The following CADM1 variants were observed in gnomAD, a reference collection of about 807,000 sequenced individuals.
CADM1 encodes the protein TSLC-1.
A neutral mutation model predicts 53.1 loss-of-function variants in CADM1; 15 were observed. That is an observed-to-expected ratio of 0.28 (90% CI 0.19 to 0.44). The LOEUF (loss-of-function observed/expected upper bound fraction) is 0.44. CADM1 is among the 20% of genes least tolerant of loss of function. CADM1 has a pLI of 1.00. For missense variants in CADM1, 434 were observed against 611.3 expected (o/e 0.71, Z 3.06); for synonymous variants, 281 against 243.0 (o/e 1.16, Z -1.45).
intron 1 of CADM1, among the ~76,000 whole-genome samples, chr11:115,285,118 C>T (rs1245300242): frequency 6.6e-6 from 1 of 152,150 alleles, no homozygotes; most frequent in Non-Finnish European, 1.5e-5. Context: ...CAGTCAATGC[C>T]AAGGAATCAG....
chr11:115,208,464 G>A (rs1591605311), intron 8 of CADM1, among the ~76,000 whole-genome samples: 1 of 152,272 alleles, frequency 6.6e-6, no homozygotes, highest in East Asian at 1.9e-4. Context: ...GAAAAGGACA[G>A]CAATGATATC....
chr11:115,369,665 C>T (rs1371983780), intron 1 of CADM1, among the ~76,000 whole-genome samples: 2 of 152,108 alleles, frequency 1.3e-5, no homozygotes, highest in African/African-American at 4.8e-5. Flanking sequence ...AGTAGATTTG[C>T]AATCACCTAA....
intron 8 of CADM1, among the ~76,000 whole-genome samples, chr11:115,200,451 T>A (rs1222459359): frequency 6.6e-6 from 1 of 152,218 alleles, no homozygotes; most frequent in African/African-American, 2.4e-5. Context: ...CAATCAACAC[T>A]CTGGCTCATT....
chr11:115,213,396 G>A (rs554156603), intron 7 of CADM1, among the ~76,000 whole-genome samples: 5 of 152,208 alleles, frequency 3.3e-5, no homozygotes, highest in Non-Finnish European at 5.9e-5. Context: ...ATACAACCAC[G>A]GACAACATTG....
At chr11:115,458,493 A>AATTATT (rs67114126) in intron 1 of CADM1, among the ~76,000 whole-genome samples, 1,895 of 143,602 alleles carry the variant, frequency 0.013, 23 homozygotes, top group East Asian at 0.056. Flanking sequence ...TGTTAGCTGT[A>AATTATT]ATTATTATTA....
intron 5 of CADM1, among the ~76,000 whole-genome samples, chr11:115,223,973 A>AG (rs1555043882): frequency 3.5e-3 from 328 of 92,476 alleles, no homozygotes; most frequent in African/African-American, 8.5e-3. Context: ...AAAAAAAAAA[A>AG]AGAGAGAGAG....
intron 4 of CADM1, 23 bp downstream of exon 4, chr11:115,231,330 G>C: frequency 6.2e-7 from 1 of 1,613,656 alleles, no homozygotes; most frequent in South Asian, 1.1e-5. Flanking sequence ...AACTACTTCA[G>C]TGTGTGGCAA....
At chr11:115,196,595 TAAAAAA>T (rs61694033) in intron 9 of CADM1, among the ~76,000 whole-genome samples, 2 of 76,894 alleles carry the variant, frequency 2.6e-5, no homozygotes, top group Non-Finnish European at 4.6e-5. Context: ...GCTGATGAAC[TAAAAAA>T]AAAAAAAAAA....
chr11:115,193,866 C>A (rs935648490), intron 9 of CADM1: 1 of 152,128 alleles, frequency 6.6e-6, no homozygotes, highest in African/African-American at 2.4e-5. Context: ...ATCACTTGGC[C>A]ATATTATGGA....
At chr11:115,352,918 A>G (rs1037055237) in intron 1 of CADM1, among the ~76,000 whole-genome samples, 8 of 152,180 alleles carry the variant, frequency 5.3e-5, no homozygotes, top group African/African-American at 1.9e-4. Context: ...TCTTCATCCA[A>G]TCTGCCACTG....
chr11:115,221,807 G>A (rs1232999463), intron 5 of CADM1, among the ~76,000 whole-genome samples: 1 of 152,136 alleles, frequency 6.6e-6, no homozygotes, highest in East Asian at 1.9e-4. Context: ...GCAGAGAGGA[G>A]CAGAGCTGAG....
At chr11:115,187,429 T>C (rs1939616746) in intron 10 of CADM1, among the ~76,000 whole-genome samples, 1 of 152,128 alleles carries the variant, frequency 6.6e-6, no homozygotes, top group Non-Finnish European at 1.5e-5. Context: ...TGTAGGTTTG[T>C]TATTTTATTT....
intron 1 of CADM1, among the ~76,000 whole-genome samples, chr11:115,420,260 A>G (rs1297944848): frequency 2.0e-5 from 3 of 152,188 alleles, no homozygotes; most frequent in Non-Finnish European, 4.4e-5. Flanking sequence ...ATCACCACAC[A>G]AGCAAGGGGA....
At chr11:115,448,753 C>T (rs546988853) in intron 1 of CADM1, among the ~76,000 whole-genome samples, 2 of 152,178 alleles carry the variant, frequency 1.3e-5, no homozygotes, top group East Asian at 3.9e-4. Flanking sequence ...TGTATTTCCT[C>T]CTCTTGCAAA....
At chr11:115,177,353 A>G (rs1245918377) in intron 11 of CADM1, among the ~76,000 whole-genome samples, 1 of 152,168 alleles carries the variant, frequency 6.6e-6, no homozygotes, top group Admixed American at 6.5e-5. Flanking sequence ...TCTTATCACC[A>G]AATCCCAACA....
At chr11:115,418,918 A>G (rs1947683330) in intron 1 of CADM1, among the ~76,000 whole-genome samples, 1 of 152,218 alleles carries the variant, frequency 6.6e-6, no homozygotes, top group Non-Finnish European at 1.5e-5. Flanking sequence ...AAAAGATTCA[A>G]GAGCCCATTG....
chr11:115,326,312 A>G (rs1246082426), intron 1 of CADM1, among the ~76,000 whole-genome samples: 1 of 152,220 alleles, frequency 6.6e-6, no homozygotes, highest in African/African-American at 2.4e-5. Context: ...GTATTTATAT[A>G]TAAATAACCT....
chr11:115,180,919 T>A (rs1434522436), intron 10 of CADM1, among the ~76,000 whole-genome samples: 1 of 152,194 alleles, frequency 6.6e-6, no homozygotes, highest in Non-Finnish European at 1.5e-5. Flanking sequence ...TGTCTTTCGA[T>A]GAACTCTGTA....
intron 9 of CADM1, among the ~76,000 whole-genome samples, chr11:115,193,573 G>A (rs1939998472): frequency 6.6e-6 from 1 of 152,112 alleles, no homozygotes; most frequent in African/African-American, 2.4e-5. Context: ...TTCTAAAAGT[G>A]ATACAATGTG....
Sources: allele counts gnomAD v4.1 joint callset (sites outside exome capture counted in the v4.1 genomes callset), GRCh38; gene constraint gnomAD v4.1.1; transcripts MANE v1.5; gene names NCBI Gene and HGNC (gene_info 2026-07-23, HGNC 2026-07-21).